The following RBP2 variants were observed in gnomAD, a reference collection of about 807,000 sequenced individuals.
RBP2 encodes the protein retinol-binding protein 2.
A neutral mutation model predicts 17.0 loss-of-function variants in RBP2; 17 were observed. The ratio of observed to expected loss-of-function variants is 1.00; its 90% confidence interval spans 0.68 to 1.50. The LOEUF is 1.50. Among genes scored for constraint, RBP2 ranks in the 40% most tolerant of loss-of-function variants. RBP2 has a pLI of 0.00. For synonymous variants in RBP2, 48 were observed against 57.1 expected, an observed-to-expected ratio of 0.84 and a Z score of 0.72; for missense variants, 158 against 168.2, an observed-to-expected ratio of 0.94 and a Z score of 0.33.
chr3:139,470,448 C>T (rs1023565561), intron 1 of RBP2, among the ~76,000 whole-genome samples: 1 of 152,034 alleles, frequency 6.6e-6, no homozygotes, highest in Admixed American at 6.6e-5. Flanking sequence ...TAATGGGTCT[C>T]TCATCCTCTC....
intron 1 of RBP2, among the ~76,000 whole-genome samples, chr3:139,471,138 C>T (rs142088004): frequency 1.2e-3 from 190 of 152,148 alleles, no homozygotes; most frequent in Non-Finnish European, 2.0e-3. Context: ...GAACTCGTCT[C>T]CTCATTTCCC....
At position 139,462,435 on chromosome 3, in the gene RBP2, C is replaced by T. The variant is rs1311920421; in HGVS notation, c.74-145G>A. 2.9e-5 allele frequency: 25 copies of T among 868,422 alleles called. 1 individual carries two copies. The highest frequency in any genetic ancestry group is 1.0e-4 in the East Asian group (4 of 38,696). The allele number at this position is 868,422 out of a possible 1,614,324, so 53.8% of individuals were successfully genotyped here. A position where few individuals can be genotyped will look rare whatever the true frequency, so the allele number is the denominator to read the frequency against. On this transcript the variant is annotated intron_variant, in intron 1 of 3. Coordinates refer to ENST00000232217, the MANE Select transcript of RBP2 (RefSeq NM_004164.3). ...TTAAGTGGGAAACAAGCATCTTACT[C>T]GTGGCCAAGTTGGGCATTTCAGTCA...
chr3:139,458,910 ATC>A (rs1222287342), intron 2 of RBP2, among the ~76,000 whole-genome samples: 5 of 152,188 alleles, frequency 3.3e-5, no homozygotes, highest in Non-Finnish European at 5.9e-5. Context: ...TCTCTTAGAA[ATC>A]AGCCAGGATA....
intron 1 of RBP2, among the ~76,000 whole-genome samples, chr3:139,464,949 T>G (rs1306580877): frequency 6.6e-6 from 1 of 152,198 alleles, no homozygotes; most frequent in Non-Finnish European, 1.5e-5. Flanking sequence ...GGAGGCTGTT[T>G]GGAAAAAGAC....
At chr3:139,469,683 GTCTGTCTATCTATCTA>G (rs1246012925) in intron 1 of RBP2, among the ~76,000 whole-genome samples, 2,140 of 127,536 alleles carry the variant, frequency 0.017, 44 homozygotes, top group African/African-American at 0.052. Flanking sequence ...CTGTCTGTCT[GTCTGTCTATCTATCTA>G]TCTATCTATC....
intron 1 of RBP2, among the ~76,000 whole-genome samples, chr3:139,465,158 G>A (rs1379133295): frequency 6.6e-6 from 1 of 152,132 alleles, no homozygotes; most frequent in African/African-American, 2.4e-5. Flanking sequence ...TTCTGAGCTT[G>A]GATGATCAAG....
At chr3:139,470,279 T>A (rs1933519265) in intron 1 of RBP2, among the ~76,000 whole-genome samples, 2 of 152,216 alleles carry the variant, frequency 1.3e-5, no homozygotes, top group South Asian at 4.1e-4. Context: ...GGGACCCAAA[T>A]TCATTTCTAT....
At chr3:139,463,859 A>G (rs1226499222) in intron 1 of RBP2, among the ~76,000 whole-genome samples, 2 of 152,252 alleles carry the variant, frequency 1.3e-5, no homozygotes, top group Non-Finnish European at 2.9e-5. Context: ...TAAAAAACCT[A>G]GAATTGATTC....
At chr3:139,475,265 G>A (rs1466820931) in intron 1 of RBP2, among the ~76,000 whole-genome samples, 2 of 146,866 alleles carry the variant, frequency 1.4e-5, no homozygotes, top group Non-Finnish European at 3.0e-5. Context: ...CTTGCAGTGA[G>A]CTGAGATCGC....
intron 1 of RBP2, among the ~76,000 whole-genome samples, chr3:139,465,876 G>A (rs576256810): frequency 2.0e-5 from 3 of 152,268 alleles, no homozygotes; most frequent in South Asian, 2.1e-4. Flanking sequence ...GGAATTGTAC[G>A]TGAGCACGTC....
chr3:139,453,381 A>G (rs1943344761), intron 3 of RBP2, among the ~76,000 whole-genome samples: 1 of 152,218 alleles, frequency 6.6e-6, no homozygotes, highest in South Asian at 2.1e-4. Context: ...CAACTATAAA[A>G]ATGAAAAATG....
At chr3:139,475,041 G>A (rs1245574339) in intron 1 of RBP2, among the ~76,000 whole-genome samples, 1 of 152,074 alleles carries the variant, frequency 6.6e-6, no homozygotes, top group East Asian at 1.9e-4. Flanking sequence ...ACATGAAGAG[G>A]CCGGGTGCGG....
intron 2 of RBP2, among the ~76,000 whole-genome samples, chr3:139,455,076 T>C (rs907533445): frequency 6.6e-6 from 1 of 152,176 alleles, no homozygotes; most frequent in Non-Finnish European, 1.5e-5. Flanking sequence ...CATTTTTCCT[T>C]ATGGTAAAAA....
At chr3:139,453,244 G>A in intron 3 of RBP2, 78 bp from the exon 4 acceptor site, 1 of 1,526,950 alleles carries the variant, frequency 6.5e-7, no homozygotes, top group Non-Finnish European at 9.1e-7. Flanking sequence ...CTTGGTATCT[G>A]GGGGTGGGAG....
At chr3:139,466,417 C>A (rs1933367185) in intron 1 of RBP2, 1 of 152,218 alleles carries the variant, frequency 6.6e-6, no homozygotes, top group South Asian at 2.1e-4. Context: ...GTATTTCCGA[C>A]TTAAAAAATG....
chr3:139,462,971 C>A (rs1933242499), intron 1 of RBP2, among the ~76,000 whole-genome samples: 1 of 152,016 alleles, frequency 6.6e-6, no homozygotes, highest in Non-Finnish European at 1.5e-5. Flanking sequence ...GTAGCTGGGA[C>A]AGCAGGTGCA....
At chr3:139,467,665 T>C (rs1933410399) in intron 1 of RBP2, among the ~76,000 whole-genome samples, 1 of 152,202 alleles carries the variant, frequency 6.6e-6, no homozygotes, top group Non-Finnish European at 1.5e-5. Context: ...AGCTTGTCCA[T>C]ATGCAGTGCA....
chr3:139,465,884 G>A (rs1236301276), intron 1 of RBP2, among the ~76,000 whole-genome samples: 1 of 152,154 alleles, frequency 6.6e-6, no homozygotes, highest in African/African-American at 2.4e-5. Context: ...ACGTGAGCAC[G>A]TCCAAGTCAC....
At chr3:139,469,397 C>T (rs1254628173) in intron 1 of RBP2, among the ~76,000 whole-genome samples, 5 of 152,140 alleles carry the variant, frequency 3.3e-5, no homozygotes, top group Admixed American at 3.3e-4. Context: ...TTCTCCTCCC[C>T]ATTCTTAGTC....
Sources: gnomAD v4.1 joint callset for allele counts (sites outside exome capture counted in the v4.1 genomes callset) on GRCh38, gnomAD v4.1.1 for gene constraint, MANE v1.5 for transcripts, NCBI Gene and HGNC (gene_info 2026-07-23, HGNC 2026-07-21) for gene names.